NKAIN2: variants seen among roughly 807,000 people sequenced by gnomAD.
NKAIN2 encodes the protein sodium/potassium-transporting ATPase subunit beta-1-interacting protein 2.
A neutral mutation model predicts 32.6 loss-of-function variants in NKAIN2; 14 were observed. The ratio of observed to expected loss-of-function variants is 0.43; its 90% CI spans 0.28 to 0.67. NKAIN2 has a LOEUF of 0.67. NKAIN2 is among the 30% of genes least tolerant of loss of function. The pLI is 0.17. For synonymous variants in NKAIN2, 80 were observed against 87.2 expected (o/e 0.92, Z 0.46); for missense variants, 198 against 258.3 (o/e 0.77, Z 1.60).
intron 1 of NKAIN2, among the ~76,000 whole-genome samples, chr6:124,099,593 T>C (rs1224604473): frequency 6.6e-6 from 1 of 152,162 alleles, no homozygotes; most frequent in Non-Finnish European, 1.5e-5. Flanking sequence ...ATTAAAGAAA[T>C]GCCATTGAAA....
chr6:124,762,656 A>G (rs1015716871), intron 4 of NKAIN2, among the ~76,000 whole-genome samples: 7 of 152,212 alleles, frequency 4.6e-5, no homozygotes, highest in African/African-American at 1.7e-4. Context: ...CTAGACCACA[A>G]GAGGATACAA....
At chr6:124,248,410 C>G (rs768387066) in intron 1 of NKAIN2, among the ~76,000 whole-genome samples, 7 of 151,878 alleles carry the variant, frequency 4.6e-5, no homozygotes, top group Non-Finnish European at 8.8e-5. Context: ...TTCCTTCCCC[C>G]CCACCGAACC....
intron 1 of NKAIN2, among the ~76,000 whole-genome samples, chr6:124,256,204 T>C (rs532988692): frequency 5.6e-4 from 85 of 152,236 alleles, no homozygotes; most frequent in Non-Finnish European, 6.9e-4. Flanking sequence ...ACAACAAAAA[T>C]CCAAAAGGTC....
chr6:124,291,269 C>G (rs2753149), intron 2 of NKAIN2, among the ~76,000 whole-genome samples: 45,015 of 151,846 alleles, frequency 0.3, 9,172 homozygotes, highest in African/African-American at 0.58. Flanking sequence ...TTTCAAAGAA[C>G]TGCTTGAGAT....
intron 3 of NKAIN2, among the ~76,000 whole-genome samples, chr6:124,568,162 G>T (rs1562261167): frequency 6.6e-6 from 1 of 152,194 alleles, no homozygotes; most frequent in Non-Finnish European, 1.5e-5. Context: ...AGCCTCAGTG[G>T]AGAGGTTCAC....
chr6:124,301,117 C>T (rs1796276010), intron 2 of NKAIN2, among the ~76,000 whole-genome samples: 1 of 152,124 alleles, frequency 6.6e-6, no homozygotes, highest in Non-Finnish European at 1.5e-5. Context: ...CAGGGCCCCT[C>T]TCCTGTGTGC....
At chr6:124,687,928 A>C (rs1774063675) in intron 4 of NKAIN2, among the ~76,000 whole-genome samples, 1 of 151,448 alleles carries the variant, frequency 6.6e-6, no homozygotes, top group Admixed American at 6.6e-5. Context: ...CCATTTATTT[A>C]AACATCCTGC....
rs80112496 is a variant in NKAIN2 at position 124,774,939 on chromosome 6, G to A, written c.475-16400G>A. On this transcript the variant is annotated intron_variant, in intron 4 of 6. Transcript: ENST00000368417. ...GGACAGTTGTTGTCCAAAGATACAA[G>A]CACCAAGGATACTGTTAATGAATGT... Among the ~76,000 whole-genome samples, 668 of 150,564 alleles carry A rather than the reference G, an allele frequency of 4.4e-3. 4 individuals carry two copies. Among genetic ancestry groups the A allele is most frequent in the African/African-American group, 0.016 (641 of 40,954 alleles).
chr6:124,652,951 A>T lies in NKAIN2; in HGVS notation c.274-5235A>T, dbSNP rs201422623. ...GGGGATACATTCAAACTACAGCAAAATCTAGCAAAATATGTACAAGATCTA... is the reference window on the plus strand; with the variant it reads ...GGGGATACATTCAAACTACAGCAAATTCTAGCAAAATATGTACAAGATCTA... On this transcript the variant is annotated intron_variant, in intron 3 of 6. Transcript: ENST00000368417. Among the ~76,000 whole-genome samples, 33 of 152,340 alleles carry T rather than the reference A, an allele frequency of 2.2e-4. No homozygotes were observed. In the East Asian group the frequency reaches 6.2e-3, roughly 29 times the overall value.
At chr6:124,290,059 A>T (rs1795730895) in intron 2 of NKAIN2, among the ~76,000 whole-genome samples, 1 of 152,040 alleles carries the variant, frequency 6.6e-6, no homozygotes, top group African/African-American at 2.4e-5. Context: ...AGAAAACAAA[A>T]AAAAACATCA....
At chr6:124,715,969 T>C (rs796476208) in intron 4 of NKAIN2, among the ~76,000 whole-genome samples, 107 of 152,322 alleles carry the variant, frequency 7.0e-4, no homozygotes, top group African/African-American at 2.6e-3. Context: ...AAGCCCCGTG[T>C]TTGGGCTGTT....
intron 2 of NKAIN2, among the ~76,000 whole-genome samples, chr6:124,335,102 C>A (rs919453451): frequency 6.6e-6 from 1 of 150,574 alleles, no homozygotes; most frequent in African/African-American, 2.5e-5. Flanking sequence ...TGGTAAATGC[C>A]TATCCTGTCA....
At chr6:124,240,546 CATG>C (rs956071468) in intron 1 of NKAIN2, among the ~76,000 whole-genome samples, 64 of 152,202 alleles carry the variant, frequency 4.2e-4, no homozygotes, top group African/African-American at 1.5e-3. Context: ...GCTTACCCAC[CATG>C]ATCAAGTCAG....
In NKAIN2 at chr6:124,194,925, G is replaced by T. The variant is rs1276702099; in HGVS notation, c.55-88080G>T. On this transcript the variant is annotated intron_variant, in intron 1 of 6. Coordinates refer to ENST00000368417, the MANE Select transcript of NKAIN2 (RefSeq NM_001040214.3). ...TTAGATGCCTGTAAGTCATTGAGAA[G>T]TCGAGGGACATCCTTGGTACCAGCT... Among the ~76,000 whole-genome samples, 16 of 150,776 alleles carry T rather than the reference G, an allele frequency of 1.1e-4. 1 individual carries two copies.
In NKAIN2 at chr6:124,415,878, C is replaced by CTTTTTT; in HGVS notation, c.273+60543_273+60548dup. On this transcript the variant is annotated intron_variant, in intron 3 of 6. Coordinates refer to ENST00000368417, the MANE Select transcript of NKAIN2 (RefSeq NM_001040214.3). The stretch of plus-strand genomic sequence containing the variant: ...TTTTTTAATTTGCTTTTTTTATTTG[C>CTTTTTT]TTTTTTTTTTTTTTTTTGCTAATTT... Among the ~76,000 whole-genome samples, 536 of 72,498 alleles carry CTTTTTT rather than the reference C, an allele frequency of 7.4e-3. 16 individuals carry two copies. Among genetic ancestry groups the CTTTTTT allele is most frequent in the African/African-American group, 0.024 (483 of 19,992 alleles). 47.6% of individuals were successfully genotyped at this position (72,498 alleles called of 152,430 possible).
At chr6:123,915,762 G>C (rs144349286) in intron 1 of NKAIN2, among the ~76,000 whole-genome samples, 2 of 152,074 alleles carry the variant, frequency 1.3e-5, no homozygotes, top group Admixed American at 1.3e-4. Flanking sequence ...CTCCGTGTAT[G>C]TAAGATTTGG....
chr6:123,804,764 T>A lies in NKAIN2; in HGVS notation c.54+510T>A, dbSNP rs1296256066. Among the ~76,000 whole-genome samples the A allele has an allele frequency of 2.0e-5, 3 of 152,204 alleles. No homozygotes were observed. The East Asian group carries it at 5.8e-4, about 29-fold the overall frequency. On this transcript the variant is annotated intron_variant, in intron 1 of 6. Transcript: ENST00000368417. ...CCACTGTTTAGGGCACATGGTATCC[T>A]TACAACAGTCTAATTTAGACTGTTT...
intron 1 of NKAIN2, among the ~76,000 whole-genome samples, chr6:124,046,762 C>A (rs1782154303): frequency 1.3e-5 from 2 of 151,946 alleles, no homozygotes; most frequent in African/African-American, 4.8e-5. Flanking sequence ...CTCTGACATG[C>A]TTGCTGAAAA....
chr6:123,888,788 G>A (rs1773857815), intron 1 of NKAIN2, among the ~76,000 whole-genome samples: 2 of 152,016 alleles, frequency 1.3e-5, no homozygotes, highest in Admixed American at 1.3e-4. Flanking sequence ...GAATATTTTA[G>A]GGGTAAGTTT....
Sources: gnomAD v4.1 joint callset for allele counts (sites outside exome capture counted in the v4.1 genomes callset) on GRCh38, gnomAD v4.1.1 for gene constraint, MANE v1.5 for transcripts, NCBI Gene and HGNC (gene_info 2026-07-23, HGNC 2026-07-21) for gene names.